The following SYNE3 variants were observed in gnomAD, a reference collection of about 807,000 sequenced individuals.
SYNE3 encodes the protein nesprin-3.
Under a neutral mutation model 111.2 loss-of-function variants are expected in SYNE3, and 100 were observed. The observed-to-expected ratio is 0.90, with a 90% confidence interval of 0.77 to 1.06. The LOEUF (loss-of-function observed/expected upper bound fraction) is 1.06, where lower values mean the gene tolerates loss of function less well. Ranked by LOEUF, SYNE3 falls within the 50% of genes least tolerant of loss-of-function variation. The pLI is 0.00. For synonymous variants in SYNE3, 547 were observed against 533.9 expected, an observed-to-expected ratio of 1.02 and a Z score of -0.34; for missense variants, 1,160 against 1,240.3, an observed-to-expected ratio of 0.94 and a Z score of 0.97.
At chr14:95,468,315 CAG>C (rs950078296) in intron 2 of SYNE3, among the ~76,000 whole-genome samples, 1 of 152,230 alleles carries the variant, frequency 6.6e-6, no homozygotes, top group Non-Finnish European at 1.5e-5. Context: ...ATCTATCTCT[CAG>C]ATTTTTTTCA....
In SYNE3 at chr14:95,485,778, C is replaced by T. The variant is rs1299694889; in HGVS notation, c.-14-9943G>A. ...CTCCTATGCAGACATCCATCTCAGC[C>T]TGGATCCCACTGGACTATAAATATC... On this transcript the variant is annotated intron_variant, in intron 1 of 17. Transcript: ENST00000682763. The surrounding 1 kb of genome is among the most constrained non-coding windows in gnomAD (Gnocchi z 4.3). Among the ~76,000 whole-genome samples, 1 of 152,164 alleles carries T rather than the reference C, an allele frequency of 6.6e-6. No individual in the cohort carries two copies. Among genetic ancestry groups the T allele is most frequent in the Non-Finnish European group, 1.5e-5 (1 of 68,018 alleles).
intron 1 of SYNE3, among the ~76,000 whole-genome samples, chr14:95,503,383 A>G (rs915545692): frequency 6.6e-6 from 1 of 152,176 alleles, no homozygotes; most frequent in Non-Finnish European, 1.5e-5. Flanking sequence ...TCTTACAAGG[A>G]TTCTTTCACT....
rs113088523 is a variant in SYNE3 at position 95,515,453 on chromosome 14, C to T, written c.-15+1143G>A. The stretch of plus-strand genomic sequence containing the variant: ...GGCAAGCCCAGGCCCTTCAAGAGAG[C>T]CAGGCAGTGTGGCTCTGGGCAAATC... On this transcript the variant is annotated intron_variant, in intron 1 of 17. Coordinates refer to ENST00000682763, the MANE Select transcript of SYNE3 (RefSeq NM_152592.6). Among the ~76,000 whole-genome samples the T allele has an allele frequency of 8.2e-3, 1,243 of 152,326 alleles. 15 individuals carry two copies. The highest frequency in any genetic ancestry group is 0.029 in the African/African-American group (1,194 of 41,564).
At chr14:95,450,402 C>T (rs73339191) in intron 7 of SYNE3, 7,265 of 367,002 alleles carry the variant, frequency 0.02, 478 homozygotes, top group African/African-American at 0.14. Context: ...GGGCAGGATA[C>T]GGTGGCTCAC....
At chr14:95,421,943 G>A (rs376192004) in intron 17 of SYNE3, among the ~76,000 whole-genome samples, 1 of 152,126 alleles carries the variant, frequency 6.6e-6, no homozygotes, top group African/African-American at 2.4e-5. Context: ...CTTCCTCCAG[G>A]AGACCCTCCC....
intron 1 of SYNE3, among the ~76,000 whole-genome samples, chr14:95,497,891 C>T (rs777880804): frequency 6.6e-6 from 1 of 152,086 alleles, no homozygotes; most frequent in Non-Finnish European, 1.5e-5. Context: ...TGCAGTGCCA[C>T]GTGCCTGTAA....
chr14:95,418,156 G>T, intron 17 of SYNE3, 130 bp from the exon 18 acceptor site: 1 of 923,648 alleles, frequency 1.1e-6, no homozygotes, highest in East Asian at 2.5e-5. Flanking sequence ...CACATCTCCA[G>T]GTTCTCATCT....
intron 2 of SYNE3, among the ~76,000 whole-genome samples, chr14:95,474,373 G>A (rs1261534588): frequency 1.3e-5 from 2 of 152,198 alleles, no homozygotes; most frequent in Admixed American, 6.5e-5. Context: ...GTTTGCATAC[G>A]TGTCTCCATG....
In SYNE3 at chr14:95,442,004, A is replaced by C. The variant is rs191171291; in HGVS notation, c.1911+1151T>G. Among the ~76,000 whole-genome samples the C allele has an allele frequency of 3.9e-5, 6 of 152,246 alleles. No homozygotes were observed. The East Asian group carries it at 1.2e-3, about 29-fold the overall frequency. On this transcript the variant is annotated intron_variant, in intron 11 of 17. Transcript: ENST00000682763. ...CTCCTAATATCTACAGCAGTAAAAA[A>C]CCTGCTTGGCATGACCTGAGCTCAG...
intron 8 of SYNE3, among the ~76,000 whole-genome samples, chr14:95,447,263 A>G (rs1324474148): frequency 6.6e-6 from 1 of 151,488 alleles, no homozygotes; most frequent in African/African-American, 2.4e-5. Flanking sequence ...CCTCCCGAGT[A>G]GCTGGGACTA....
chr14:95,497,447 G>A (rs1595257247), intron 1 of SYNE3, among the ~76,000 whole-genome samples: 1 of 87,750 alleles, frequency 1.1e-5, no homozygotes, highest in African/African-American at 5.8e-5. Context: ...CAGTTTTCCC[G>A]AGGGGAGAAA....
At chr14:95,491,801 A>C (rs1889865537) in intron 1 of SYNE3, among the ~76,000 whole-genome samples, 1 of 152,034 alleles carries the variant, frequency 6.6e-6, no homozygotes, top group Non-Finnish European at 1.5e-5. Context: ...TGACACCATC[A>C]AGAAAGTGAA....
Position 95,445,951 on chromosome 14 carries a change from G to C in SYNE3, c.1590C>G (p.Asp530Glu). ...EQVAGSMRDR[D>E]LLHNSLLQRK... ...TCTGCAGGAGGCTGTTATGCAGCAGGTCTCTGTCCCTCATGGAACCTGCCA... is the reference window on the plus strand; with the variant it reads ...TCTGCAGGAGGCTGTTATGCAGCAGCTCTCTGTCCCTCATGGAACCTGCCA... The change falls in exon 9 of 18, where the codon GAC (aspartate) becomes GAG (glutamate). Residue 530 changes from aspartate to glutamate, a missense_variant. Asp to Glu is a conservative substitution (Grantham distance 45). Coordinates refer to ENST00000682763, the MANE Select transcript of SYNE3 (RefSeq NM_152592.6). 2 of 1,614,132 alleles carry C rather than the reference G, an allele frequency of 1.2e-6. No individual in the cohort carries two copies. The highest frequency in any genetic ancestry group is 1.7e-6 in the Non-Finnish European group (2 of 1,180,058).
chr14:95,496,393 T>C (rs938007997), intron 1 of SYNE3, among the ~76,000 whole-genome samples: 1 of 152,224 alleles, frequency 6.6e-6, no homozygotes, highest in Non-Finnish European at 1.5e-5. Context: ...TAACATGGCA[T>C]TTCTTAACAT....
At chr14:95,427,557 A>G (rs1189631206) in intron 17 of SYNE3, among the ~76,000 whole-genome samples, 1 of 152,194 alleles carries the variant, frequency 6.6e-6, no homozygotes, top group Non-Finnish European at 1.5e-5. Flanking sequence ...AATTAATGGC[A>G]TAAGCTGTCC....
intron 1 of SYNE3, among the ~76,000 whole-genome samples, chr14:95,512,688 T>TAA (rs11312397): frequency 7.1e-6 from 1 of 141,076 alleles, no homozygotes; most frequent in Non-Finnish European, 1.6e-5. Context: ...CCGTCTCTAC[T>TAA]AAAAAAAAAA....
At chr14:95,515,527 G>A (rs912291302) in intron 1 of SYNE3, among the ~76,000 whole-genome samples, 4 of 152,222 alleles carry the variant, frequency 2.6e-5, no homozygotes, top group African/African-American at 7.2e-5. Context: ...GATGAAGGAC[G>A]CTGTCCTGCC....
chr14:95,486,002 C>T (rs1889528260), intron 1 of SYNE3, among the ~76,000 whole-genome samples: 1 of 152,166 alleles, frequency 6.6e-6, no homozygotes, highest in Admixed American at 6.5e-5. Context: ...CCCCACCACC[C>T]CTTATCAGCT....
chr14:95,501,554 C>A (rs1478369793), intron 1 of SYNE3, among the ~76,000 whole-genome samples: 2 of 152,224 alleles, frequency 1.3e-5, no homozygotes, highest in Non-Finnish European at 2.9e-5. Context: ...AAGAAAGATG[C>A]ATCCACAAAC....
Sources: gnomAD v4.1 joint callset for allele counts (sites outside exome capture counted in the v4.1 genomes callset) on GRCh38, gnomAD v4.1.1 for gene constraint, Gnocchi (gnomAD v3.1) non-coding constraint, MANE v1.5 for transcripts, NCBI Gene and HGNC (gene_info 2026-07-23, HGNC 2026-07-21) for gene names.